The following GRIA3 variants were observed in gnomAD, a reference collection of about 807,000 sequenced individuals.
The protein encoded by GRIA3 is glutamate ionotropic receptor AMPA type subunit 3.
A neutral mutation model predicts 63.0 loss-of-function variants in GRIA3; 3 were observed. The observed-to-expected ratio is 0.05, with a 90% CI of 0.02 to 0.12. The LOEUF (loss-of-function observed/expected upper bound fraction) is 0.12. GRIA3 is among the 10% of genes least tolerant of loss of function. The pLI is 1.00. For synonymous variants in GRIA3, 274 were observed against 257.9 expected, an observed-to-expected ratio of 1.06 and a Z score of -0.60; for missense variants, 347 against 700.9, an observed-to-expected ratio of 0.50 and a Z score of 5.70.
chrX:123,188,577 CCTT>C (rs1453977300), intron 2 of GRIA3, among the ~76,000 whole-genome samples: 1 of 111,268 alleles, frequency 9.0e-6, no homozygotes, highest in Non-Finnish European at 1.9e-5. Flanking sequence ...TCCGGCCTGT[CCTT>C]CTCTGGAGAC....
chrX:123,429,383 T>G (rs908212800), intron 12 of GRIA3, among the ~76,000 whole-genome samples: 1 of 111,817 alleles, frequency 8.9e-6, no homozygotes, highest in Non-Finnish European at 1.9e-5. Flanking sequence ...GAATTCTCAT[T>G]GATTCAAGAT....
At chrX:123,480,716 G>C (rs2045908467) in intron 14 of GRIA3, among the ~76,000 whole-genome samples, 1 of 111,549 alleles carries the variant, frequency 9.0e-6, no homozygotes, top group East Asian at 2.8e-4. Context: ...CTGTTGTATT[G>C]AGTTCAGCAT....
At chrX:123,455,366 A>G (rs1309233020) in intron 12 of GRIA3, among the ~76,000 whole-genome samples, 2 of 112,036 alleles carry the variant, frequency 1.8e-5, no homozygotes, top group Admixed American at 1.9e-4. Flanking sequence ...ATGCTTAGAA[A>G]TGATATCATT....
At chrX:123,299,876 T>TA (rs2044710035) in intron 3 of GRIA3, among the ~76,000 whole-genome samples, 3 of 109,530 alleles carry the variant, frequency 2.7e-5, no homozygotes, top group African/African-American at 9.9e-5. Context: ...TTGTCATATA[T>TA]GACTTACTAT....
chrX:123,309,874 C>T (rs2044779122), intron 3 of GRIA3, among the ~76,000 whole-genome samples: 1 of 111,650 alleles, frequency 9.0e-6, no homozygotes, highest in Non-Finnish European at 1.9e-5. Context: ...TATCCCTGCC[C>T]ACCTAGGCAG....
At chrX:123,441,466 T>A (rs776780319) in intron 12 of GRIA3, among the ~76,000 whole-genome samples, 9 of 111,345 alleles carry the variant, frequency 8.1e-5, no homozygotes, top group Non-Finnish European at 1.5e-4. Flanking sequence ...CTGGACATGG[T>A]CTTATTTCTA....
chrX:123,440,589 T>C (rs1363327009), intron 12 of GRIA3, among the ~76,000 whole-genome samples: 1 of 112,951 alleles, frequency 8.9e-6, no homozygotes, highest in Non-Finnish European at 1.9e-5. Flanking sequence ...GCCGCATATA[T>C]GTCTTCTTTC....
At chrX:123,221,204 G>A (rs142799404) in intron 2 of GRIA3, among the ~76,000 whole-genome samples, 29 of 112,564 alleles carry the variant, frequency 2.6e-4, no homozygotes, top group Non-Finnish European at 4.3e-4. Context: ...AAGTAAACGT[G>A]TGAATCATTC....
intron 4 of GRIA3, 115 bp from the exon 5 acceptor site, chrX:123,354,795 C>T: frequency 3.5e-6 from 2 of 572,884 alleles, no homozygotes; most frequent in Non-Finnish European, 6.3e-6. Flanking sequence ...ATCCAATTAA[C>T]TGTGATTTTC....
At chrX:123,412,915 A>G (rs2045514719) in intron 10 of GRIA3, among the ~76,000 whole-genome samples, 2 of 110,963 alleles carry the variant, frequency 1.8e-5, no homozygotes, top group African/African-American at 3.3e-5. Flanking sequence ...TTAGAAAGAA[A>G]CAATCCAGAA....
At chrX:123,264,287 G>C (rs1244017238) in intron 3 of GRIA3, among the ~76,000 whole-genome samples, 1 of 112,007 alleles carries the variant, frequency 8.9e-6, no homozygotes, top group Non-Finnish European at 1.9e-5. Flanking sequence ...CACTGTCAAA[G>C]ATAAACAAAG....
At chrX:123,406,153 T>C (rs757083918) in intron 10 of GRIA3, among the ~76,000 whole-genome samples, 2 of 112,612 alleles carry the variant, frequency 1.8e-5, no homozygotes, top group South Asian at 3.7e-4. Flanking sequence ...ATGAGGCACA[T>C]GTAAATAAGC....
At chrX:123,271,187 A>ATTTGTTTCATGATGTCATC (rs1252457510) in intron 3 of GRIA3, among the ~76,000 whole-genome samples, 1 of 112,071 alleles carries the variant, frequency 8.9e-6, no homozygotes, top group African/African-American at 3.2e-5. Flanking sequence ...TCCATAAACT[A>ATTTGTTTCATGATGTCATC]TTTGTTTCAT....
At chrX:123,358,070 G>T (rs953094099) in intron 5 of GRIA3, among the ~76,000 whole-genome samples, 1 of 111,189 alleles carries the variant, frequency 9.0e-6, no homozygotes, top group Non-Finnish European at 1.9e-5. Context: ...ATCAAAGACA[G>T]ACAGAGAGAG....
chrX:123,383,270 T>C (rs750337796), intron 5 of GRIA3, among the ~76,000 whole-genome samples: 1 of 112,076 alleles, frequency 8.9e-6, no homozygotes, highest in African/African-American at 3.2e-5. Context: ...ATTTATCATT[T>C]CTGTGTGTTC....
intron 7 of GRIA3, among the ~76,000 whole-genome samples, chrX:123,400,782 T>C (rs1427311875): frequency 8.9e-6 from 1 of 112,152 alleles, no homozygotes. Context: ...AGTGCACACA[T>C]TTAAATTGTT....
intron 3 of GRIA3, among the ~76,000 whole-genome samples, chrX:123,273,539 C>T (rs779361242): frequency 8.9e-5 from 10 of 111,890 alleles, no homozygotes; most frequent in Non-Finnish European, 1.5e-4. Flanking sequence ...ACTCTAAGAT[C>T]TGGGATCTTT....
chrX:123,195,178 T>C (rs2147250270), intron 2 of GRIA3, among the ~76,000 whole-genome samples: 1 of 112,739 alleles, frequency 8.9e-6, no homozygotes, highest in Admixed American at 9.4e-5. Flanking sequence ...TTCCTCCCCA[T>C]CCTTGCTATC....
intron 2 of GRIA3, among the ~76,000 whole-genome samples, chrX:123,187,614 A>T (rs1927314654): frequency 8.9e-6 from 1 of 112,180 alleles, no homozygotes. Flanking sequence ...AACTAAATAC[A>T]TTAAACTACC....
Sources: allele counts gnomAD v4.1 joint callset (sites outside exome capture counted in the v4.1 genomes callset), GRCh38; gene constraint gnomAD v4.1.1; transcripts MANE v1.5; gene names NCBI Gene and HGNC (gene_info 2026-07-23, HGNC 2026-07-21).